Variants in FBXL7 observed in about 807,000 individuals in gnomAD.
FBXL7 encodes F-box and leucine rich repeat protein 7, also known as F-box/LRR-repeat protein 7.
In FBXL7, 12 loss-of-function variants were observed where a neutral mutation model predicts 38.3. The observed-to-expected ratio is 0.31, with a 90% CI of 0.20 to 0.51. The LOEUF (loss-of-function observed/expected upper bound fraction) is 0.51, where lower values mean the gene tolerates loss of function less well. Ranked by LOEUF, FBXL7 falls within the 20% of genes least tolerant of loss-of-function variation. The pLI, the probability that FBXL7 is intolerant of heterozygous loss-of-function variation, is 0.98. For synonymous variants in FBXL7, 297 were observed against 300.9 expected (o/e 0.99, Z 0.13); for missense variants, 567 against 676.4 (o/e 0.84, Z 1.79).
chr5:15,803,403 T>G (rs1737622530), intron 2 of FBXL7, among the ~76,000 whole-genome samples: 1 of 151,912 alleles, frequency 6.6e-6, no homozygotes, highest in Admixed American at 6.6e-5. Context: ...TGAAGGGAGG[T>G]CACAGTTAAT....
Position 15,664,411 on chromosome 5 carries a change from C to A in FBXL7, c.127+48339C>A, listed in dbSNP as rs938526707. Among the ~76,000 whole-genome samples the A allele has an allele frequency of 2.7e-5, 4 of 146,726 alleles. No homozygotes were observed. In the East Asian group the frequency reaches 8.1e-4, roughly 30 times the overall value. ...CTTTAGTATTCATCTTCACTTTTAT[C>A]TTTTCTGGAGTTTACCGTTACCTTG... is the stretch of plus-strand genomic sequence containing the variant. On this transcript the variant is annotated intron_variant, in intron 2 of 3. Transcript: ENST00000504595.
chr5:15,876,980 A>G (rs1740237076), intron 2 of FBXL7, among the ~76,000 whole-genome samples: 1 of 152,180 alleles, frequency 6.6e-6, no homozygotes, highest in African/African-American at 2.4e-5. Context: ...TATGTCAAAG[A>G]GCAGAGATTT....
At chr5:15,697,342 G>A (rs1425590028) in intron 2 of FBXL7, among the ~76,000 whole-genome samples, 1 of 152,086 alleles carries the variant, frequency 6.6e-6, no homozygotes, top group Non-Finnish European at 1.5e-5. Flanking sequence ...ACAGTGTGGT[G>A]GAAGACAGAG....
intron 1 of FBXL7, among the ~76,000 whole-genome samples, chr5:15,543,037 T>G (rs1737800394): frequency 6.6e-6 from 1 of 152,186 alleles, no homozygotes; most frequent in South Asian, 2.1e-4. Context: ...TTAATAGATG[T>G]CCATTTCTGA....
At chr5:15,663,789 G>A (rs1742171007) in intron 2 of FBXL7, among the ~76,000 whole-genome samples, 1 of 152,090 alleles carries the variant, frequency 6.6e-6, no homozygotes, top group South Asian at 2.1e-4. Context: ...TTATTATTGT[G>A]TGTTTGTGTT....
chr5:15,695,094 G>T (rs1743293462), intron 2 of FBXL7, among the ~76,000 whole-genome samples: 4 of 152,194 alleles, frequency 2.6e-5, no homozygotes, highest in African/African-American at 4.8e-5. Context: ...AGGATTAGGA[G>T]AATTTTTTTA....
chr5:15,518,595 C>T (rs1398953531), intron 1 of FBXL7, among the ~76,000 whole-genome samples: 28 of 152,176 alleles, frequency 1.8e-4, no homozygotes, highest in Admixed American at 1.8e-3. Context: ...GACGAATTGG[C>T]TGAAGGGATT....
intron 1 of FBXL7, among the ~76,000 whole-genome samples, chr5:15,600,646 A>G (rs1739762596): frequency 6.6e-6 from 1 of 152,206 alleles, no homozygotes; most frequent in South Asian, 2.1e-4. Flanking sequence ...GGATCTTAAA[A>G]TTGTTTTGCA....
chr5:15,674,721 T>C (rs1742595523), intron 2 of FBXL7, among the ~76,000 whole-genome samples: 1 of 152,170 alleles, frequency 6.6e-6, no homozygotes, highest in South Asian at 2.1e-4. Flanking sequence ...TTTAGCCCAA[T>C]CTCTCCTAAT....
intron 1 of FBXL7, among the ~76,000 whole-genome samples, chr5:15,531,602 C>T (rs575944545): frequency 6.6e-6 from 1 of 152,218 alleles, no homozygotes. Context: ...ATGTTGAAGA[C>T]ACAACTGTTC....
chr5:15,575,384 T>A (rs535146824), intron 1 of FBXL7, among the ~76,000 whole-genome samples: 1 of 152,242 alleles, frequency 6.6e-6, no homozygotes, highest in Non-Finnish European at 1.5e-5. Flanking sequence ...AGAGTTTGAT[T>A]CTTTGACGAG....
intron 2 of FBXL7, among the ~76,000 whole-genome samples, chr5:15,877,662 G>A (rs1740266274): frequency 6.6e-6 from 1 of 152,106 alleles, no homozygotes; most frequent in South Asian, 2.1e-4. Context: ...ATAAAGCAAA[G>A]AGAAAATTAG....
rs1269219721 is a variant in FBXL7 at position 15,936,135 on chromosome 5, C to T, written c.740-315C>T. ...GAATGGGATCCTCCCTATTTTAAGA[C>T]AAAGGAAATACTCAGAAGGATTGAT... On this transcript the variant is annotated intron_variant, in intron 3 of 3. Transcript: ENST00000504595. The surrounding 1 kb of genome is among the most constrained non-coding windows in gnomAD (Gnocchi z 6.0). 6.6e-6 allele frequency among the ~76,000 whole-genome samples: 1 copy of T among 152,128 alleles called. No homozygotes were observed. The highest frequency in any genetic ancestry group is 1.9e-4 in the East Asian group (1 of 5,184).
intron 1 of FBXL7, among the ~76,000 whole-genome samples, chr5:15,566,656 A>G (rs914743989): frequency 3.3e-5 from 5 of 152,206 alleles, no homozygotes; most frequent in Admixed American, 6.5e-5. Flanking sequence ...CTTTTTGAGA[A>G]GCATATTTTA....
At chr5:15,865,707 C>T (rs1221854139) in intron 2 of FBXL7, among the ~76,000 whole-genome samples, 3 of 152,064 alleles carry the variant, frequency 2.0e-5, no homozygotes, top group Admixed American at 1.3e-4. Context: ...TTCTTCTTCC[C>T]TCCTCCCTTC....
At chr5:15,851,386 C>T (rs1045998968) in intron 2 of FBXL7, among the ~76,000 whole-genome samples, 6 of 152,168 alleles carry the variant, frequency 3.9e-5, no homozygotes, top group African/African-American at 1.2e-4. Context: ...CAGGTCGCAA[C>T]GGCACCTAAC....
intron 2 of FBXL7, among the ~76,000 whole-genome samples, chr5:15,618,428 CAATT>C (rs1424537537): frequency 6.6e-6 from 1 of 151,924 alleles, no homozygotes; most frequent in Admixed American, 6.6e-5. Flanking sequence ...TTTTTTTAAT[CAATT>C]AAAACAAAAT....
At position 15,760,598 on chromosome 5, in the gene FBXL7, A is replaced by G. The variant is rs187939432; in HGVS notation, c.127+144526A>G. ...ACTTCTTGTTTGGATTTCAAATAATAAAGGTGAGATGTGAAAACTAAGGGA... is the reference window on the plus strand; with the variant it reads ...ACTTCTTGTTTGGATTTCAAATAATGAAGGTGAGATGTGAAAACTAAGGGA... On this transcript the variant is annotated intron_variant, in intron 2 of 3. Coordinates refer to ENST00000504595, the MANE Select transcript of FBXL7 (RefSeq NM_012304.5). Among the ~76,000 whole-genome samples the G allele has an allele frequency of 1.4e-3, 211 of 152,210 alleles. 6 individuals carry two copies. In the South Asian group the frequency reaches 0.041, roughly 30 times the overall value.
intron 2 of FBXL7, among the ~76,000 whole-genome samples, chr5:15,680,125 T>A (rs1265216665): frequency 6.6e-6 from 1 of 152,198 alleles, no homozygotes; most frequent in African/African-American, 2.4e-5. Context: ...TGCAAATCAT[T>A]AAAACCACTG....
Sources: allele counts gnomAD v4.1 joint callset (sites outside exome capture counted in the v4.1 genomes callset), GRCh38; gene constraint gnomAD v4.1.1; non-coding constraint Gnocchi (gnomAD v3.1); transcripts MANE v1.5; gene names NCBI Gene and HGNC (gene_info 2026-07-23, HGNC 2026-07-21).